MFSD8: variants seen among roughly 807,000 people sequenced by gnomAD.
The protein encoded by MFSD8 is major facilitator superfamily domain containing 8, also known as major facilitator superfamily domain-containing protein 8.
Under a neutral mutation model 66.4 loss-of-function variants are expected in MFSD8, and 55 were observed. That is an observed-to-expected ratio of 0.83 (90% CI 0.67 to 1.04). The LOEUF is 1.04. MFSD8 is among the 50% of genes least tolerant of loss of function. MFSD8 has a pLI of 0.00. For synonymous variants in MFSD8, 202 were observed against 212.8 expected, an observed-to-expected ratio of 0.95 and a Z score of 0.44; for missense variants, 550 against 627.6, an observed-to-expected ratio of 0.88 and a Z score of 1.32.
intron 7 of MFSD8, among the ~76,000 whole-genome samples, chr4:127,934,829 T>C (rs1286386763): frequency 6.6e-6 from 1 of 151,732 alleles, no homozygotes; most frequent in Non-Finnish European, 1.5e-5. Context: ...AGTGCTGGGA[T>C]TACAGGTGTG....
intron 9 of MFSD8, among the ~76,000 whole-genome samples, chr4:127,923,983 T>A (rs1431495340): frequency 1.3e-5 from 2 of 152,168 alleles, no homozygotes; most frequent in Non-Finnish European, 2.9e-5. Context: ...GGTATCAGGA[T>A]GATTCTGGCC....
At chr4:127,952,586 T>C (rs1329190344) in intron 2 of MFSD8, among the ~76,000 whole-genome samples, 6 of 150,624 alleles carry the variant, frequency 4.0e-5, no homozygotes, top group African/African-American at 9.8e-5. Flanking sequence ...AAATCTAAAG[T>C]TGGCCAGGCA....
chr4:127,954,576 ATT>A (rs1742548499), intron 2 of MFSD8, among the ~76,000 whole-genome samples: 1 of 152,260 alleles, frequency 6.6e-6, no homozygotes, highest in Non-Finnish European at 1.5e-5. Context: ...AGATAGTGCC[ATT>A]GCACTCCAAC....
At chr4:127,965,545 C>T (rs1423737556), upstream of MFSD8, 2 of 286,966 alleles carry the variant, frequency 7.0e-6, no homozygotes, top group South Asian at 7.0e-5. Flanking sequence ...GAAAGGGAGC[C>T]TGGAGAGCGG....
intron 8 of MFSD8, 135 bp downstream of exon 8, chr4:127,932,850 C>T: frequency 1.5e-6 from 1 of 663,258 alleles, no homozygotes; most frequent in South Asian, 2.0e-5. Flanking sequence ...AATGTATATA[C>T]ATTTTTTACA....
chr4:127,926,585 C>CA (rs1737246825), intron 9 of MFSD8, among the ~76,000 whole-genome samples: 2 of 152,022 alleles, frequency 1.3e-5, no homozygotes, highest in Admixed American at 1.3e-4. Flanking sequence ...GAATGTGTAT[C>CA]AGCAGCACTG....
chr4:127,951,269 G>A (rs1189342287), intron 2 of MFSD8, among the ~76,000 whole-genome samples: 1 of 151,746 alleles, frequency 6.6e-6, no homozygotes, highest in Non-Finnish European at 1.5e-5. Context: ...GTTTCTTGTC[G>A]CCCAGGCTGG....
At chr4:127,939,474 C>A (rs1739731932) in intron 6 of MFSD8, 2 of 172,502 alleles carry the variant, frequency 1.2e-5, no homozygotes, top group East Asian at 1.7e-4. Context: ...GATGTGTTGG[C>A]ATGCACCTGT....
rs1279416280 is a variant in MFSD8 at position 127,920,617 on chromosome 4, A to C, written c.*13T>G. 6.2e-7 allele frequency: 1 copy of C among 1,613,626 alleles called. No homozygotes were observed. The highest frequency in any genetic ancestry group is 1.1e-5 in the South Asian group (1 of 91,074). On this transcript the variant is annotated 3_prime_UTR_variant, in exon 12 of 12. Coordinates refer to ENST00000641686, the MANE Select transcript of MFSD8 (RefSeq NM_001371596.2). The stretch of plus-strand genomic sequence containing the variant: ...CCACACAGCAAGTAGTTTCCATCAC[A>C]GTCTTAGCTAGTTTATTCCTGAATC...
Position 127,952,216 on chromosome 4 carries a change from T to C in MFSD8, c.155-2369A>G, listed in dbSNP as rs577144474. 2.6e-5 allele frequency among the ~76,000 whole-genome samples: 4 copies of C among 151,402 alleles called. No individual in the cohort carries two copies. The East Asian group carries it at 8.1e-4, about 31-fold the overall frequency. ...GTCAGGCTATCGAGCCCATCCTGGC[T>C]AACACAGTGAAACCCTGTCTCTACT... On this transcript the variant is annotated intron_variant, in intron 2 of 11. Transcript: ENST00000641686.
chr4:127,949,661 G>T (rs1245170757), intron 3 of MFSD8, 143 bp downstream of exon 3: 4 of 691,016 alleles, frequency 5.8e-6, no homozygotes, highest in Non-Finnish European at 9.7e-6. Flanking sequence ...TTACTTATAA[G>T]CCTCTTTTAA....
Position 127,934,103 on chromosome 4 carries a change from C to T in MFSD8, c.755-1010G>A, listed in dbSNP as rs114905508. 5.2e-3 allele frequency among the ~76,000 whole-genome samples: 788 copies of T among 152,188 alleles called. 8 individuals carry two copies. The highest frequency in any genetic ancestry group is 0.018 in the African/African-American group (757 of 41,552). ...AAAATACAAAAAAGAATTAGCCGGGCGTGGTGCCACATGCCTGTAATCTCA... is the reference window on the plus strand; with the variant it reads ...AAAATACAAAAAAGAATTAGCCGGGTGTGGTGCCACATGCCTGTAATCTCA... On this transcript the variant is annotated intron_variant, in intron 7 of 11. Coordinates refer to ENST00000641686, the MANE Select transcript of MFSD8 (RefSeq NM_001371596.2).
chr4:127,945,666 TTTTC>T (rs1308499826), intron 3 of MFSD8: 1 of 152,082 alleles, frequency 6.6e-6, no homozygotes, highest in South Asian at 2.1e-4. Context: ...TTAGGTGCGT[TTTTC>T]TTTATGAAAA....
upstream of MFSD8, chr4:127,965,603 G>A (rs966372466): frequency 8.6e-6 from 2 of 233,460 alleles, no homozygotes; most frequent in African/African-American, 4.6e-5. Context: ...CCACCTGGCG[G>A]CCAGTAAGTA....
chr4:127,943,634 C>T, intron 4 of MFSD8, 118 bp downstream of exon 4: 1 of 1,221,140 alleles, frequency 8.2e-7, no homozygotes, highest in Non-Finnish European at 1.2e-6. Flanking sequence ...CAATGAGAAA[C>T]ATGTATGTTG....
At chr4:127,935,430 T>A (rs569081601) in intron 7 of MFSD8, among the ~76,000 whole-genome samples, 2 of 152,292 alleles carry the variant, frequency 1.3e-5, no homozygotes, top group East Asian at 3.9e-4. Flanking sequence ...AATTACACAT[T>A]TTTTAAAAGA....
chr4:127,956,753 G>A (rs924156847), intron 2 of MFSD8, among the ~76,000 whole-genome samples: 1 of 150,388 alleles, frequency 6.6e-6, no homozygotes, highest in African/African-American at 2.4e-5. Context: ...GGGAGGTGGA[G>A]GTTGCAGTGA....
intron 3 of MFSD8, 94 bp downstream of exon 3, chr4:127,949,710 T>C (rs564949236): frequency 6.7e-5 from 70 of 1,039,184 alleles, no homozygotes; most frequent in Non-Finnish European, 9.8e-5. Context: ...GATTAAACCA[T>C]AGAATACCAA....
At chr4:127,965,496 C>T, upstream of MFSD8, 1 of 381,900 alleles carries the variant, frequency 2.6e-6, no homozygotes, top group Non-Finnish European at 5.0e-6. Context: ...GAAAGGTTAC[C>T]GGAGCTGCGA....
Sources: gnomAD v4.1 joint callset for allele counts (sites outside exome capture counted in the v4.1 genomes callset) on GRCh38, gnomAD v4.1.1 for gene constraint, MANE v1.5 for transcripts, NCBI Gene and HGNC (gene_info 2026-07-23, HGNC 2026-07-21) for gene names.